The following CROCC2 variants were observed in gnomAD, a reference collection of about 807,000 sequenced individuals.
CROCC2 encodes the protein ciliary rootlet coiled-coil protein 2.
Under a neutral mutation model 177.6 loss-of-function variants are expected in CROCC2, and 163 were observed. That is an observed-to-expected ratio of 0.92 (90% CI 0.81 to 1.05). The LOEUF is 1.05. CROCC2 is among the 50% of genes least tolerant of loss of function. The probability of loss-of-function intolerance (pLI) is 0.00; values close to 1 mark genes in which losing one functional copy is unlikely to be tolerated. For missense variants in CROCC2, 1,929 were observed against 1,797.8 expected, an observed-to-expected ratio of 1.07 and a Z score of -1.32; for synonymous variants, 904 against 787.3, an observed-to-expected ratio of 1.15 and a Z score of -2.48.
At chr2:240,952,257 G>A (rs1172537438) in intron 18 of CROCC2, among the ~76,000 whole-genome samples, 7 of 133,860 alleles carry the variant, frequency 5.2e-5, no homozygotes, top group Non-Finnish European at 1.1e-4. Context: ...TGAGGCAAGA[G>A]AATAACTTGA....
Position 240,973,491 on chromosome 2 carries a change from C to A in CROCC2, c.4401+5229C>A, listed in dbSNP as rs545635202. 7.9e-5 allele frequency among the ~76,000 whole-genome samples: 12 copies of A among 152,302 alleles called. No homozygotes were observed. The highest frequency in any genetic ancestry group is 2.9e-4 in the African/African-American group (12 of 41,554). ...CTCCGTGGCTCAGGGAAGCTCACGG[C>A]GTTCTTGGACTCTTGCCCAGGCCTC... On this transcript the variant is annotated intron_variant, in intron 27 of 31. Coordinates refer to ENST00000690015, the MANE Select transcript of CROCC2 (RefSeq NM_001351305.2). This position sits in a 1 kb window ranked among gnomAD's most constrained non-coding sequence, Gnocchi z 4.7.
rs775363815 is a variant in CROCC2, at chr2:240,963,521, C to T, written c.3088-35C>T. On this transcript the variant is annotated intron_variant, in intron 20 of 31. Transcript: ENST00000690015. The stretch of plus-strand genomic sequence containing the variant: ...GTGGCTATCCCTGGAGCAGTGGTCC[C>T]CAGCGGGCCTCTAGAGCTGAATGGT... 2.2e-5 allele frequency: 32 copies of T among 1,480,452 alleles called. No homozygotes were observed. The South Asian group carries it at 4.1e-4, about 19-fold the overall frequency. The allele number at this position is 1,480,452 out of a possible 1,614,324, so 91.7% of individuals were successfully genotyped here.
intron 30 of CROCC2, among the ~76,000 whole-genome samples, chr2:240,990,905 T>C (rs2059874774): frequency 6.6e-6 from 1 of 152,040 alleles, no homozygotes; most frequent in South Asian, 2.1e-4. Flanking sequence ...TCATTCTGAG[T>C]GCCTGAACAG....
intron 15 of CROCC2, among the ~76,000 whole-genome samples, chr2:240,947,336 G>T (rs750665688): frequency 7.9e-5 from 12 of 152,176 alleles, no homozygotes; most frequent in South Asian, 2.1e-4. Context: ...TGCTGTCAGG[G>T]TCTACTGCCC....
Position 240,991,284 on chromosome 2 carries a change from C to A in CROCC2, c.4946+6C>A. 6.5e-7 allele frequency: 1 copy of A among 1,546,300 alleles called. No individual in the cohort carries two copies. Among genetic ancestry groups the A allele is most frequent in the Non-Finnish European group, 8.7e-7 (1 of 1,144,632 alleles). ...CAGGCCTTCCAGACAGGACAGTGAG[C>A]CCTGCTGCATACCACCCAGCAGCCT... On this transcript the variant is annotated splice_donor_region_variant and intron_variant, in intron 31 of 31. Coordinates refer to ENST00000690015, the MANE Select transcript of CROCC2 (RefSeq NM_001351305.2).
At chr2:240,911,969 T>G (rs945309293) in intron 1 of CROCC2, among the ~76,000 whole-genome samples, 5 of 152,210 alleles carry the variant, frequency 3.3e-5, no homozygotes, top group African/African-American at 1.2e-4. Flanking sequence ...CAAATATTTC[T>G]TCGAGCCTCT....
intron 7 of CROCC2, among the ~76,000 whole-genome samples, chr2:240,931,594 C>T (rs1245317779): frequency 6.6e-6 from 1 of 152,224 alleles, no homozygotes; most frequent in South Asian, 2.1e-4. Context: ...TTGGACCCAC[C>T]ACCCACATCG....
At chr2:240,983,318 T>G in intron 28 of CROCC2, 1 of 1,214,914 alleles carries the variant, frequency 8.2e-7, no homozygotes, top group Non-Finnish European at 1.1e-6. Flanking sequence ...GACACGCCGT[T>G]TAGGAGAAAA....
chr2:240,915,613 G>A (rs888687732), intron 1 of CROCC2, among the ~76,000 whole-genome samples: 2 of 152,206 alleles, frequency 1.3e-5, no homozygotes, highest in Admixed American at 6.5e-5. Flanking sequence ...TAACCCTGTG[G>A]AGGCAGAGAT....
chr2:240,966,671 G>C (rs1290215943), intron 25 of CROCC2, among the ~76,000 whole-genome samples: 1 of 152,092 alleles, frequency 6.6e-6, no homozygotes, highest in African/African-American at 2.4e-5. Context: ...GCCCAGGGTA[G>C]GGCATTCTGC....
intron 19 of CROCC2, 140 bp from the exon 20 acceptor site, chr2:240,959,161 G>A (rs192858603): frequency 3.3e-5 from 32 of 972,478 alleles, no homozygotes; most frequent in South Asian, 3.8e-5. Flanking sequence ...CAGTTACCCC[G>A]GGGCTTGCAC....
At chr2:240,988,993 G>T in intron 29 of CROCC2, 123 bp downstream of exon 29, 1 of 1,080,524 alleles carries the variant, frequency 9.3e-7, no homozygotes. Context: ...TGCACACATG[G>T]GGAGGGTGGC....
intron 2 of CROCC2, 138 bp downstream of exon 2, chr2:240,919,014 G>T: frequency 1.6e-6 from 1 of 612,942 alleles, no homozygotes. Flanking sequence ...TGATGGCGTG[G>T]GGGACAGTCC....
rs953191246 is a variant in CROCC2 at position 240,960,437 on chromosome 2, G to A, written c.3087+993G>A. 5.9e-5 allele frequency among the ~76,000 whole-genome samples: 9 copies of A among 152,112 alleles called. No homozygotes were observed. The highest frequency in any genetic ancestry group is 1.7e-4 in the African/African-American group (7 of 41,440). On this transcript the variant is annotated intron_variant, in intron 20 of 31. Transcript: ENST00000690015. The surrounding 1 kb of genome is among the most constrained non-coding windows in gnomAD (Gnocchi z 5.0). The stretch of plus-strand genomic sequence containing the variant: ...TTGGGCAGGGGGCAAGAGTGGCCAG[G>A]GCTAGGCTCACCTGGGCTCAGCGGG...
At chr2:240,947,655 C>T (rs868761438) in intron 15 of CROCC2, among the ~76,000 whole-genome samples, 1 of 152,194 alleles carries the variant, frequency 6.6e-6, no homozygotes, top group African/African-American at 2.4e-5. Context: ...TGTGGGAAAC[C>T]GTGCTGCAGC....
chr2:240,950,298 C>A, intron 17 of CROCC2, 36 bp from the exon 18 acceptor site: 1 of 1,535,954 alleles, frequency 6.5e-7, no homozygotes, highest in Non-Finnish European at 8.8e-7. Flanking sequence ...GCCTCACCTG[C>A]CGGACCTCAC....
At chr2:240,942,260 T>C (rs1415072479) in intron 14 of CROCC2, among the ~76,000 whole-genome samples, 1 of 152,202 alleles carries the variant, frequency 6.6e-6, no homozygotes, top group African/African-American at 2.4e-5. Context: ...TTATTAATAC[T>C]TTTTACTTTT....
Position 240,918,871 on chromosome 2 carries a change from C to T in CROCC2, c.224C>T (p.Pro75Leu). 2 of 677,222 alleles carry T rather than the reference C, an allele frequency of 3.0e-6. No individual in the cohort carries two copies. Among genetic ancestry groups the T allele is most frequent in the Non-Finnish European group, 5.5e-6 (2 of 365,978 alleles). The allele number at this position is 677,222 out of a possible 1,614,324, so 42.0% of individuals were successfully genotyped here. The change falls in exon 2 of 32, where the codon CCC (proline) becomes CTC (leucine). Residue 75 changes from proline (P) to leucine (L), a missense_variant. Around this residue, in one of 3 missense-constraint regions of CROCC2, gnomAD observed 1,397 missense variants for 1,239.9 expected, o/e 1.13. Transcript: ENST00000690015. This position sits in a 1 kb window ranked among gnomAD's most constrained non-coding sequence, Gnocchi z 6.3. ...IVAGSLSEEP[P>L]QAGVQEPTAT... Reference sequence around the variant, plus strand: ...GCCGGCAGCCTGAGTGAGGAGCCACCCCAAGGTGATGGTGTGGGGGACAGT... The same window carrying T: ...GCCGGCAGCCTGAGTGAGGAGCCACTCCAAGGTGATGGTGTGGGGGACAGT...
rs538721028 is a variant in CROCC2, at chr2:240,933,238, G to A, written c.1359G>A (p.Glu453=). Residue 453 remains glutamate (E), a synonymous_variant, in exon 10 of 32, where the codon GAG becomes GAA. Coordinates refer to ENST00000690015, the MANE Select transcript of CROCC2 (RefSeq NM_001351305.2). ...GGGCCGCACAGAAGCTCCAGCAGGA[G>A]CGGGCTCGGGAGCAGGCACGGGAAC... is the stretch of plus-strand genomic sequence containing the variant. ...ELWAAQKLQQ[E]RAREQARERE... is the part of the protein sequence containing the mutation. 2.3e-4 allele frequency: 351 copies of A among 1,549,448 alleles called. 4 individuals carry two copies. The South Asian group carries it at 3.9e-3, about 17-fold the overall frequency.
Sources: gnomAD v4.1 joint callset for allele counts (sites outside exome capture counted in the v4.1 genomes callset) on GRCh38, gnomAD v4.1.1 for gene constraint, gnomAD v4.1.1 regional missense constraint, Gnocchi (gnomAD v3.1) non-coding constraint, MANE v1.5 for transcripts, NCBI Gene and HGNC (gene_info 2026-07-23, HGNC 2026-07-21) for gene names.